SHROOM4: variants seen among roughly 807,000 people sequenced by gnomAD.
SHROOM4 encodes the protein shroom family member 4.
A neutral mutation model predicts 80.3 loss-of-function variants in SHROOM4; 17 were observed. That is an observed-to-expected ratio of 0.21 (90% CI 0.14 to 0.32). The LOEUF is 0.32. SHROOM4 is among the 10% of genes least tolerant of loss of function. SHROOM4 has a pLI of 1.00. For synonymous variants in SHROOM4, 400 were observed against 437.5 expected (o/e 0.91, Z 1.07); for missense variants, 993 against 1,140.3 (o/e 0.87, Z 1.86).
chrX:50,762,119 A>G (rs943936152), intron 1 of SHROOM4, among the ~76,000 whole-genome samples: 25 of 111,507 alleles, frequency 2.2e-4, no homozygotes, highest in African/African-American at 8.2e-4. Context: ...TACAGTACAA[A>G]CTCAACAGTG....
chrX:50,665,469 A>G (rs1372421777), intron 2 of SHROOM4, among the ~76,000 whole-genome samples: 1 of 110,986 alleles, frequency 9.0e-6, no homozygotes. Context: ...TTTAAACTCA[A>G]ATAAGGATTT....
chrX:50,787,610 A>G (rs782619889), intron 1 of SHROOM4, among the ~76,000 whole-genome samples: 2 of 111,606 alleles, frequency 1.8e-5, no homozygotes, highest in East Asian at 2.8e-4. Flanking sequence ...ATACTAAGAC[A>G]CATTATAATC....
At chrX:50,688,260 G>GTA (rs1282063984) in intron 2 of SHROOM4, among the ~76,000 whole-genome samples, 7 of 110,486 alleles carry the variant, frequency 6.3e-5, no homozygotes, top group East Asian at 2.8e-4. Flanking sequence ...ATGTATGTGT[G>GTA]TATATATATA....
intron 1 of SHROOM4, among the ~76,000 whole-genome samples, chrX:50,702,410 T>C (rs930839320): frequency 3.6e-5 from 4 of 111,494 alleles, no homozygotes; most frequent in South Asian, 7.6e-4. Flanking sequence ...TTATTAATAA[T>C]AGAAAGTAGG....
chrX:50,705,653 T>A (rs1156867437), intron 1 of SHROOM4, among the ~76,000 whole-genome samples: 1 of 110,143 alleles, frequency 9.1e-6, no homozygotes, highest in Non-Finnish European at 1.9e-5. Context: ...GTCACTCTGG[T>A]GCTTTTCCTC....
At chrX:50,664,973 C>T (rs782171167) in intron 2 of SHROOM4, among the ~76,000 whole-genome samples, 1 of 109,235 alleles carries the variant, frequency 9.2e-6, no homozygotes, top group Admixed American at 9.8e-5. Context: ...CAATTTAAAC[C>T]TATTGGGAGA....
At chrX:50,715,478 AT>A (rs1389687109) in intron 1 of SHROOM4, among the ~76,000 whole-genome samples, 1 of 112,003 alleles carries the variant, frequency 8.9e-6, no homozygotes, top group Admixed American at 9.5e-5. Flanking sequence ...GATGATAGTA[AT>A]TTTTAAAAGG....
chrX:50,689,783 C>T (rs1251855861), intron 2 of SHROOM4, among the ~76,000 whole-genome samples: 1 of 111,734 alleles, frequency 8.9e-6, no homozygotes, highest in African/African-American at 3.2e-5. Context: ...AAAATTTTGC[C>T]TTTTAAAAAT....
At chrX:50,793,886 A>G (rs183946252) in intron 1 of SHROOM4, among the ~76,000 whole-genome samples, 1 of 110,554 alleles carries the variant, frequency 9.0e-6, no homozygotes, top group African/African-American at 3.3e-5. Context: ...CATAACCATT[A>G]TACAAGAAAG....
At chrX:50,702,666 G>A (rs1030843904) in intron 1 of SHROOM4, among the ~76,000 whole-genome samples, 21 of 111,753 alleles carry the variant, frequency 1.9e-4, no homozygotes, top group African/African-American at 6.5e-4. Flanking sequence ...TAATTTTTGG[G>A]GGGTGCTAGA....
In SHROOM4 at chrX:50,587,631, T is replaced by A. The variant is rs1410610021; in HGVS notation, c.*9064A>T. ...GTATATAAAGTATTATGTAATTGTA[T>A]ATTTATACTTATCTATCTCTTTCAT... On this transcript the variant is annotated 3_prime_UTR_variant, in exon 9 of 9. Transcript: ENST00000376020. Among the ~76,000 whole-genome samples, 12 of 112,256 alleles carry A rather than the reference T, an allele frequency of 1.1e-4. No individual in the cohort carries two copies. Among genetic ancestry groups the A allele is most frequent in the African/African-American group, 3.9e-4 (12 of 30,909 alleles).
intron 7 of SHROOM4, among the ~76,000 whole-genome samples, chrX:50,601,755 C>T (rs1490691136): frequency 8.9e-6 from 1 of 112,095 alleles, no homozygotes; most frequent in Admixed American, 9.4e-5. Context: ...ACTATCCTTG[C>T]AAATAAATAC....
chrX:50,576,236 G>C, the SHROOM4 span, among the ~76,000 whole-genome samples: 1 of 111,743 alleles, frequency 8.9e-6, no homozygotes, highest in Non-Finnish European at 1.9e-5. Context: ...GTGCCACTGG[G>C]CCCAACTGGA....
chrX:50,685,849 A>C lies in SHROOM4; in HGVS notation c.269+9937T>G, dbSNP rs782448468. 1.1e-4 allele frequency among the ~76,000 whole-genome samples: 12 copies of C among 112,218 alleles called. No homozygotes were observed. In the East Asian group the frequency reaches 2.8e-3, roughly 26 times the overall value. On this transcript the variant is annotated intron_variant, in intron 2 of 8. Transcript: ENST00000376020. Reference sequence around the variant, plus strand: ...AGAGAGGTAGATAACTTTCTAGATCAAGAAATAGTATACAATGGCAAAGAG... The same window carrying C: ...AGAGAGGTAGATAACTTTCTAGATCCAGAAATAGTATACAATGGCAAAGAG...
intron 1 of SHROOM4, among the ~76,000 whole-genome samples, chrX:50,785,343 T>TG (rs1557270971): frequency 1.8e-5 from 2 of 110,888 alleles, no homozygotes; most frequent in Non-Finnish European, 3.8e-5. Flanking sequence ...TATGTGACTG[T>TG]TCATAGCAGC....
chrX:50,742,343 A>G (rs1205461816), intron 1 of SHROOM4, among the ~76,000 whole-genome samples: 1 of 111,677 alleles, frequency 9.0e-6, no homozygotes, highest in Non-Finnish European at 1.9e-5. Context: ...TACATTTGTA[A>G]TAATTAACTA....
intron 1 of SHROOM4, among the ~76,000 whole-genome samples, chrX:50,753,261 T>C (rs892596687): frequency 3.6e-5 from 4 of 112,088 alleles, no homozygotes; most frequent in African/African-American, 1.3e-4. Flanking sequence ...CAAAATGATG[T>C]CCTGCTTTAA....
Position 50,633,724 on chromosome X carries a change from G to A in SHROOM4, c.2349C>T (p.Ser783=). The change falls in exon 4 of 9, where the codon TCC becomes TCT. Residue 783 remains serine, a synonymous_variant. Transcript: ENST00000376020. ...AACCTGGCAAATGAGATGTAGATAA[G>A]GATTTGCTACTCTCTTCAAAGAACT... ...RRKFFEESSK[S]LSTSHLPGLT... 1 of 1,212,006 alleles carries A rather than the reference G, an allele frequency of 8.3e-7. No homozygotes were observed. Among genetic ancestry groups the A allele is most frequent in the Non-Finnish European group, 1.1e-6 (1 of 895,553 alleles).
chrX:50,810,457 G>A (rs921473693), intron 1 of SHROOM4, among the ~76,000 whole-genome samples: 7 of 111,164 alleles, frequency 6.3e-5, no homozygotes, highest in Non-Finnish European at 1.1e-4. Context: ...GATGCAAACC[G>A]CTTCTGGTTT....
Sources: allele counts gnomAD v4.1 joint callset (sites outside exome capture counted in the v4.1 genomes callset), GRCh38; gene constraint gnomAD v4.1.1; transcripts MANE v1.5; gene names NCBI Gene and HGNC (gene_info 2026-07-23, HGNC 2026-07-21).